Variants in SPIDR observed in about 807,000 individuals in gnomAD.
SPIDR encodes DNA repair-scaffolding protein.
SPIDR carries 93 observed loss-of-function variants against 104.6 expected under a neutral mutation model. The observed-to-expected ratio is 0.89, with a 90% confidence interval of 0.75 to 1.06. The LOEUF is 1.06. Among genes scored for constraint, SPIDR ranks in the 50% least tolerant of loss-of-function variants. The pLI is 0.00. For synonymous variants in SPIDR, 431 were observed against 416.9 expected, an observed-to-expected ratio of 1.03 and a Z score of -0.41; for missense variants, 1,154 against 1,111.2, an observed-to-expected ratio of 1.04 and a Z score of -0.55.
At chr8:47,511,933 CTA>C (rs2082392857) in intron 8 of SPIDR, 1 of 791,352 alleles carries the variant, frequency 1.3e-6, no homozygotes, top group Non-Finnish European at 2.3e-6. Context: ...GGATGTCACT[CTA>C]TTATCACTAG....
At chr8:47,328,593 G>A (rs1464665899) in intron 5 of SPIDR, among the ~76,000 whole-genome samples, 1 of 151,996 alleles carries the variant, frequency 6.6e-6, no homozygotes, top group African/African-American at 2.4e-5. Context: ...GGTTGTCCCA[G>A]CACCATTTGT....
At chr8:47,576,145 TTTTTA>T (rs1357365772) in intron 8 of SPIDR, among the ~76,000 whole-genome samples, 1 of 151,156 alleles carries the variant, frequency 6.6e-6, no homozygotes, top group African/African-American at 2.4e-5. Context: ...TATTTATTTA[TTTTTA>T]TTTTATTTAT....
At chr8:47,501,484 C>A (rs1301348477) in intron 8 of SPIDR, among the ~76,000 whole-genome samples, 5 of 152,084 alleles carry the variant, frequency 3.3e-5, no homozygotes, top group African/African-American at 1.2e-4. Context: ...GATTTTTGCA[C>A]ATTGATTTTG....
intron 10 of SPIDR, among the ~76,000 whole-genome samples, chr8:47,599,815 A>G (rs1385858248): frequency 6.6e-6 from 1 of 152,230 alleles, no homozygotes; most frequent in Non-Finnish European, 1.5e-5. Context: ...TGTTTACATC[A>G]GAGCCTCAGC....
chr8:47,689,747 G>T (rs1041663684), intron 11 of SPIDR, among the ~76,000 whole-genome samples: 5 of 152,156 alleles, frequency 3.3e-5, no homozygotes, highest in African/African-American at 4.8e-5. Context: ...GACTGGGGGT[G>T]GCATGGGAGC....
chr8:47,327,820 C>T (rs1554601380), intron 5 of SPIDR, among the ~76,000 whole-genome samples: 2 of 152,060 alleles, frequency 1.3e-5, no homozygotes, highest in Non-Finnish European at 2.9e-5. Context: ...GTCTTGGCCT[C>T]CCAAAGTGCT....
intron 8 of SPIDR, among the ~76,000 whole-genome samples, chr8:47,554,838 A>G (rs993241402): frequency 3.9e-5 from 6 of 152,174 alleles, no homozygotes; most frequent in Non-Finnish European, 7.3e-5. Context: ...TCACGCTTGG[A>G]GCTGTAGACT....
intron 8 of SPIDR, among the ~76,000 whole-genome samples, chr8:47,473,553 T>C (rs2075964423): frequency 6.6e-6 from 1 of 152,224 alleles, no homozygotes. Context: ...CTGCCATCTT[T>C]TTCCCAACGC....
chr8:47,335,554 G>A (rs2049533776), intron 5 of SPIDR, among the ~76,000 whole-genome samples: 1 of 152,174 alleles, frequency 6.6e-6, no homozygotes, highest in South Asian at 2.1e-4. Context: ...AGGTTCAAGT[G>A]ATTCTCTTGC....
intron 7 of SPIDR, among the ~76,000 whole-genome samples, chr8:47,411,908 A>G (rs1245917020): frequency 7.2e-5 from 11 of 152,098 alleles, no homozygotes; most frequent in Non-Finnish European, 1.0e-4. Flanking sequence ...TTATTAAATA[A>G]GGATTCCTTT....
At chr8:47,292,713 G>GA (rs2154239101) in intron 4 of SPIDR, among the ~76,000 whole-genome samples, 1 of 152,250 alleles carries the variant, frequency 6.6e-6, no homozygotes, top group South Asian at 2.1e-4. Flanking sequence ...AAAGTTTTGT[G>GA]ACGAAAGCCC....
chr8:47,313,422 C>A (rs587760512), intron 5 of SPIDR, among the ~76,000 whole-genome samples: 1 of 152,266 alleles, frequency 6.6e-6, no homozygotes, highest in East Asian at 1.9e-4. Context: ...AGGATACAAA[C>A]AAATGGAAGA....
intron 8 of SPIDR, among the ~76,000 whole-genome samples, chr8:47,457,783 G>C (rs1247055470): frequency 6.6e-6 from 1 of 152,104 alleles, no homozygotes; most frequent in African/African-American, 2.4e-5. Context: ...GACAGCTGAG[G>C]ATCCAGTTTC....
intron 5 of SPIDR, among the ~76,000 whole-genome samples, chr8:47,310,928 A>C (rs2044038530): frequency 6.6e-6 from 1 of 152,234 alleles, no homozygotes; most frequent in Non-Finnish European, 1.5e-5. Context: ...AATACAATCC[A>C]TATTCAGTAG....
Position 47,663,384 on chromosome 8 carries a change from A to T in SPIDR, c.1545-10417A>T, listed in dbSNP as rs138800543. 7.2e-3 allele frequency among the ~76,000 whole-genome samples: 1,100 copies of T among 152,322 alleles called. 14 individuals carry two copies. Among genetic ancestry groups the T allele is most frequent in the African/African-American group, 0.025 (1,027 of 41,560 alleles). On this transcript the variant is annotated intron_variant, in intron 10 of 19. Transcript: ENST00000297423. ...CACAGAGGGCAGGGACTGTTTGCCC[A>T]CTACCCTGTACCTAGCACCTCACAG...
chr8:47,268,632 T>G (rs1309911730), intron 1 of SPIDR, among the ~76,000 whole-genome samples: 1 of 152,176 alleles, frequency 6.6e-6, no homozygotes, highest in African/African-American at 2.4e-5. Context: ...TTTTTGTTAA[T>G]TTTTTGGTAG....
intron 10 of SPIDR, among the ~76,000 whole-genome samples, chr8:47,662,703 T>G (rs939913661): frequency 5.9e-5 from 9 of 152,252 alleles, no homozygotes; most frequent in African/African-American, 2.2e-4. Context: ...GTCTTTCCTC[T>G]TATCCCTGCT....
Position 47,365,781 on chromosome 8 carries a change from A to AGAATAGAGG in SPIDR, c.526-30595_526-30594insGAATAGAGG, listed in dbSNP as rs199702065. On this transcript the variant is annotated intron_variant, in intron 5 of 19. Transcript: ENST00000297423. ...GAGGCAAGGGTGGATGACCTATTTT[A>AGAATAGAGG]TTAACCTCTATTCTAAAGACTTCTT... Among the ~76,000 whole-genome samples the AGAATAGAGG allele has an allele frequency of 1.0e-3, 154 of 152,314 alleles. No homozygotes were observed. The East Asian group carries it at 0.028, about 27-fold the overall frequency.
chr8:47,525,317 A>T (rs758452238), intron 8 of SPIDR, among the ~76,000 whole-genome samples: 5 of 152,226 alleles, frequency 3.3e-5, no homozygotes, highest in African/African-American at 4.8e-5. Context: ...GAGAATCCTG[A>T]TAGTCCATTT....
Sources: allele counts gnomAD v4.1 joint callset (sites outside exome capture counted in the v4.1 genomes callset), GRCh38; gene constraint gnomAD v4.1.1; transcripts MANE v1.5; gene names NCBI Gene and HGNC (gene_info 2026-07-23, HGNC 2026-07-21).